The following TMEM117 variants were observed in gnomAD, a reference collection of about 807,000 sequenced individuals.
The protein encoded by TMEM117 is transmembrane protein 117.
TMEM117 carries 27 observed loss-of-function variants against 52.4 expected under a neutral mutation model. The ratio of observed to expected loss-of-function variants is 0.51; its 90% CI spans 0.38 to 0.71. TMEM117 has a LOEUF of 0.71. TMEM117 is among the 30% of genes least tolerant of loss of function. The probability of loss-of-function intolerance (pLI) is 0.00; values close to 1 mark genes in which losing one functional copy is unlikely to be tolerated. For missense variants in TMEM117, 556 were observed against 630.5 expected, an observed-to-expected ratio of 0.88 and a Z score of 1.26; for synonymous variants, 215 against 206.3, an observed-to-expected ratio of 1.04 and a Z score of -0.36.
intron 5 of TMEM117, among the ~76,000 whole-genome samples, chr12:44,226,239 A>G (rs1233631992): frequency 6.6e-6 from 1 of 152,168 alleles, no homozygotes; most frequent in Non-Finnish European, 1.5e-5. Context: ...CAATCTGTTC[A>G]GGTCTCATGG....
At chr12:44,367,723 C>A (rs1951808362) in intron 6 of TMEM117, among the ~76,000 whole-genome samples, 1 of 152,108 alleles carries the variant, frequency 6.6e-6, no homozygotes, top group Non-Finnish European at 1.5e-5. Flanking sequence ...ATAAGCCCTG[C>A]CATATTAGCA....
chr12:43,813,017 A>AAGC, the TMEM117 span, among the ~76,000 whole-genome samples: 1 of 151,368 alleles, frequency 6.6e-6, no homozygotes, highest in South Asian at 2.1e-4. Flanking sequence ...CAAAAAAAAA[A>AAGC]AGCAGCAGCA....
chr12:44,006,860 C>G (rs1011204100), intron 3 of TMEM117, among the ~76,000 whole-genome samples: 2 of 152,152 alleles, frequency 1.3e-5, no homozygotes, highest in East Asian at 1.9e-4. Context: ...GTATCTCTCC[C>G]AAATATTCTA....
chr12:44,122,713 C>T (rs1948257380), intron 3 of TMEM117, among the ~76,000 whole-genome samples: 1 of 152,182 alleles, frequency 6.6e-6, no homozygotes, highest in East Asian at 1.9e-4. Context: ...TGGCCTCCAG[C>T]TCCATCCATG....
At chr12:44,172,553 T>G (rs1240190131) in intron 4 of TMEM117, among the ~76,000 whole-genome samples, 2 of 152,182 alleles carry the variant, frequency 1.3e-5, no homozygotes, top group African/African-American at 4.8e-5. Flanking sequence ...GTATGACATC[T>G]TAACTAATCA....
chr12:44,373,074 G>T (rs1181874472), intron 6 of TMEM117, among the ~76,000 whole-genome samples: 1 of 152,174 alleles, frequency 6.6e-6, no homozygotes, highest in Non-Finnish European at 1.5e-5. Flanking sequence ...TACAGCCTAG[G>T]ATTATAATAG....
At chr12:43,885,519 C>G (rs1055138863) in intron 2 of TMEM117, among the ~76,000 whole-genome samples, 2 of 149,412 alleles carry the variant, frequency 1.3e-5, no homozygotes, top group Non-Finnish European at 3.0e-5. Context: ...GGAAACGCAG[C>G]CAAGAGGGAA....
At chr12:44,174,373 G>A (rs560420623) in intron 4 of TMEM117, among the ~76,000 whole-genome samples, 1 of 152,264 alleles carries the variant, frequency 6.6e-6, no homozygotes, top group Admixed American at 6.5e-5. Context: ...GAGAGACACT[G>A]TGGCCCCAAA....
chr12:44,181,266 T>A (rs895418795), intron 4 of TMEM117, among the ~76,000 whole-genome samples: 3 of 151,372 alleles, frequency 2.0e-5, no homozygotes, highest in Admixed American at 1.3e-4. Flanking sequence ...CTTTGTCAGA[T>A]GAGTAGGTTG....
chr12:44,367,331 A>G (rs1181005481), intron 6 of TMEM117, among the ~76,000 whole-genome samples: 1 of 152,042 alleles, frequency 6.6e-6, no homozygotes, highest in Admixed American at 6.6e-5. Context: ...CAACCCCCAT[A>G]TTGCCAAATC....
intron 5 of TMEM117, among the ~76,000 whole-genome samples, chr12:44,256,857 A>C (rs571205590): frequency 6.6e-6 from 1 of 151,878 alleles, no homozygotes; most frequent in African/African-American, 2.4e-5. Context: ...TACCTGTCTC[A>C]GTATATAATG....
intron 3 of TMEM117, among the ~76,000 whole-genome samples, chr12:44,056,748 A>ATC (rs372268085): frequency 4.0e-5 from 6 of 150,942 alleles, no homozygotes; most frequent in East Asian, 3.9e-4. Context: ...TAGTGTGTGT[A>ATC]TCTCTCTCTC....
chr12:44,206,715 G>T (rs887412286), intron 4 of TMEM117, among the ~76,000 whole-genome samples: 1 of 152,148 alleles, frequency 6.6e-6, no homozygotes, highest in Non-Finnish European at 1.5e-5. Context: ...TAAAGGAACA[G>T]AAAACCAAAT....
intron 3 of TMEM117, among the ~76,000 whole-genome samples, chr12:43,975,479 A>T (rs1945657363): frequency 6.6e-6 from 1 of 152,150 alleles, no homozygotes; most frequent in South Asian, 2.1e-4. Context: ...ACAGTTTAGG[A>T]GGAGAGACAG....
At chr12:44,303,075 C>T (rs186533177) in intron 6 of TMEM117, among the ~76,000 whole-genome samples, 193 of 151,566 alleles carry the variant, frequency 1.3e-3, no homozygotes, top group Middle Eastern at 3.4e-3. Flanking sequence ...TGGAGTTTCA[C>T]TCTTGTTGCC....
rs1305592823 is a variant in TMEM117 at position 44,102,121 on chromosome 12, A to G, written c.411-41404A>G. Among the ~76,000 whole-genome samples the G allele has an allele frequency of 2.1e-4, 32 of 152,058 alleles. 1 individual carries two copies. Among genetic ancestry groups the G allele is most frequent in the Admixed American group, 2.1e-3 (32 of 15,248 alleles). ...AGGAAAAGGAACAATTATTCAGCCA[A>G]GAGAAGAAAAGCCTGAAGGGAGATA... On this transcript the variant is annotated intron_variant, in intron 3 of 7. Coordinates refer to ENST00000266534, the MANE Select transcript of TMEM117 (RefSeq NM_032256.3).
intron 5 of TMEM117, among the ~76,000 whole-genome samples, chr12:44,259,900 T>G (rs35503487): frequency 0.031 from 4,657 of 152,300 alleles, 108 homozygotes; most frequent in Admixed American, 0.044. Flanking sequence ...TCAGTTTATG[T>G]AATGATTTTT....
At position 44,054,766 on chromosome 12, in the gene TMEM117, A is replaced by T. The variant is rs151179079; in HGVS notation, c.411-88759A>T. Among the ~76,000 whole-genome samples the T allele has an allele frequency of 3.0e-3, 448 of 149,348 alleles. 4 individuals carry two copies. The highest frequency in any genetic ancestry group is 0.01 in the African/African-American group (407 of 40,378). ...TCTTTTTTTTTTAAATTATACTTTA[A>T]GTTCTAGGGTACATGTGCACAACAT... On this transcript the variant is annotated intron_variant, in intron 3 of 7. Coordinates refer to ENST00000266534, the MANE Select transcript of TMEM117 (RefSeq NM_032256.3).
intron 3 of TMEM117, among the ~76,000 whole-genome samples, chr12:44,065,720 A>G (rs1565813650): frequency 6.6e-6 from 1 of 152,176 alleles, no homozygotes; most frequent in Non-Finnish European, 1.5e-5. Context: ...GAAAGGGAGA[A>G]TGAGTTCATA....
Sources: gnomAD v4.1 joint callset for allele counts (sites outside exome capture counted in the v4.1 genomes callset) on GRCh38, gnomAD v4.1.1 for gene constraint, MANE v1.5 for transcripts, NCBI Gene and HGNC (gene_info 2026-07-23, HGNC 2026-07-21) for gene names.